The following MARK3 variants were observed in gnomAD, a reference collection of about 807,000 sequenced individuals.
The protein encoded by MARK3 is microtubule affinity regulating kinase 3, also known as MAP/microtubule affinity-regulating kinase 3.
A neutral mutation model predicts 90.1 loss-of-function variants in MARK3; 46 were observed. The observed-to-expected ratio is 0.51, with a 90% CI of 0.40 to 0.65. The LOEUF is 0.65. Ranked by LOEUF, MARK3 falls within the 30% of genes least tolerant of loss-of-function variation. MARK3 has a pLI of 0.00. For synonymous variants in MARK3, 321 were observed against 332.6 expected (o/e 0.97, Z 0.38); for missense variants, 818 against 947.2 (o/e 0.86, Z 1.79).
chr14:103,386,072 A>G lies in MARK3; in HGVS notation c.43A>G (p.Thr15Ala), dbSNP rs376529319. 38 of 1,614,096 alleles carry G rather than the reference A, an allele frequency of 2.4e-5. No individual in the cohort carries two copies. In the Admixed American group the frequency reaches 4.8e-4, roughly 21 times the overall value. Residue 15 changes from threonine to alanine, a missense_variant, in exon 1 of 18, where the codon ACT becomes GCT. Physicochemically the swap from Thr to Ala is moderately conservative, Grantham distance 58. Transcript: ENST00000429436. ...ATTGCCAACGGTGAATGAACGAGAC[A>G]CTGAAAACGTAAGTAACCTGGGCGT... Reference protein sequence around the residue: ...TPLPTVNERDTENHTSHGDGR... With the variant: ...TPLPTVNERDAENHTSHGDGR...
At chr14:103,489,175 G>A (rs1035772220) in intron 14 of MARK3, among the ~76,000 whole-genome samples, 5 of 152,224 alleles carry the variant, frequency 3.3e-5, no homozygotes, top group African/African-American at 1.2e-4. Context: ...ACGACATCTG[G>A]TTCATTTTTG....
intron 6 of MARK3, among the ~76,000 whole-genome samples, chr14:103,457,831 T>A (rs1015319638): frequency 6.6e-6 from 1 of 152,224 alleles, no homozygotes; most frequent in Non-Finnish European, 1.5e-5. Flanking sequence ...GTTATATCCA[T>A]TTGCTAAAAA....
At chr14:103,481,521 G>C (rs1331028885) in intron 14 of MARK3, among the ~76,000 whole-genome samples, 1 of 152,020 alleles carries the variant, frequency 6.6e-6, no homozygotes, top group Admixed American at 6.6e-5. Flanking sequence ...TCACTTCCCT[G>C]TTCCATAGGC....
chr14:103,417,543 A>G (rs924124476), intron 2 of MARK3: 22 of 152,244 alleles, frequency 1.4e-4, no homozygotes, highest in African/African-American at 5.1e-4. Flanking sequence ...TGAGGTGCCA[A>G]GGGTTAGTCT....
chr14:103,421,092 C>T (rs2092199893), intron 2 of MARK3, among the ~76,000 whole-genome samples: 1 of 152,054 alleles, frequency 6.6e-6, no homozygotes, highest in South Asian at 2.1e-4. Flanking sequence ...TTTTTCCTTG[C>T]ACTGCACATG....
intron 3 of MARK3, among the ~76,000 whole-genome samples, chr14:103,439,409 G>GTGTT (rs542056890): frequency 1.9e-4 from 29 of 151,976 alleles, no homozygotes; most frequent in South Asian, 1.7e-3. Context: ...TGTTTCTTTT[G>GTGTT]TGTTTGTTTG....
intron 3 of MARK3, chr14:103,441,704 A>G (rs2092860961): frequency 6.6e-6 from 1 of 152,144 alleles, no homozygotes; most frequent in African/African-American, 2.4e-5. Flanking sequence ...GTTACGAGGT[A>G]GGGATCCAGT....
chr14:103,434,106 C>T (rs1054631174), intron 3 of MARK3, among the ~76,000 whole-genome samples: 16 of 152,144 alleles, frequency 1.1e-4, no homozygotes, highest in African/African-American at 3.6e-4. Context: ...CATGGAGACA[C>T]TTAACACTCT....
chr14:103,394,180 T>C (rs2140491243), intron 1 of MARK3, among the ~76,000 whole-genome samples: 1 of 152,336 alleles, frequency 6.6e-6, no homozygotes, highest in South Asian at 2.1e-4. Flanking sequence ...TGCAGTACCC[T>C]CTGATCACCA....
chr14:103,412,905 G>A lies in MARK3; in HGVS notation c.243+7638G>A, dbSNP rs141338222. The A allele has an allele frequency of 1.3e-3, 418 of 319,952 alleles. 7 individuals are homozygous for A. The East Asian group carries it at 0.028, about 21-fold the overall frequency. The allele number at this position is 319,952 out of a possible 1,614,324, so 19.8% of individuals were successfully genotyped here. On this transcript the variant is annotated intron_variant, in intron 2 of 17. Coordinates refer to ENST00000429436, the MANE Select transcript of MARK3 (RefSeq NM_001128918.3). ...TTTTTTTTTTTTGAGACGGAATTTC[G>A]CTCTTGTTGCCCAGGCTAGAGTGCA...
chr14:103,459,465 G>A (rs529522407), intron 6 of MARK3, among the ~76,000 whole-genome samples: 3 of 152,082 alleles, frequency 2.0e-5, no homozygotes, highest in African/African-American at 7.2e-5. Flanking sequence ...CATCATATTG[G>A]TGTTTCCACT....
At chr14:103,488,024 G>A (rs1313951353) in intron 14 of MARK3, among the ~76,000 whole-genome samples, 5 of 148,518 alleles carry the variant, frequency 3.4e-5, no homozygotes, top group African/African-American at 7.4e-5. Flanking sequence ...CAGCCTGGGC[G>A]ACAGAGTGAG....
intron 4 of MARK3, among the ~76,000 whole-genome samples, 180 bp downstream of exon 4, chr14:103,449,147 A>C (rs1258235554): frequency 6.6e-6 from 1 of 151,994 alleles, no homozygotes; most frequent in Non-Finnish European, 1.5e-5. Flanking sequence ...CTTAGGTATT[A>C]AACGTTGAAT....
At chr14:103,418,864 C>G (rs181890731) in intron 2 of MARK3, among the ~76,000 whole-genome samples, 5 of 152,052 alleles carry the variant, frequency 3.3e-5, no homozygotes, top group African/African-American at 1.2e-4. Flanking sequence ...TTTTTTCCGC[C>G]CTCGGAATTT....
chr14:103,402,971 G>A (rs1355899190), intron 1 of MARK3, among the ~76,000 whole-genome samples: 1 of 151,902 alleles, frequency 6.6e-6, no homozygotes, highest in African/African-American at 2.4e-5. Flanking sequence ...ACAATAGGCA[G>A]TTTCAGCAGC....
chr14:103,493,680 G>A (rs2075140994), intron 15 of MARK3, among the ~76,000 whole-genome samples: 1 of 151,740 alleles, frequency 6.6e-6, no homozygotes, highest in South Asian at 2.1e-4. Context: ...TTTGAGACCA[G>A]CCTGACCAAT....
At chr14:103,393,623 C>T (rs1038112651) in intron 1 of MARK3, among the ~76,000 whole-genome samples, 1 of 152,226 alleles carries the variant, frequency 6.6e-6, no homozygotes, top group Non-Finnish European at 1.5e-5. Flanking sequence ...AGTTATGTAG[C>T]TCATGATATA....
At chr14:103,408,352 G>A (rs550076610) in intron 2 of MARK3, among the ~76,000 whole-genome samples, 14 of 151,800 alleles carry the variant, frequency 9.2e-5, no homozygotes, top group African/African-American at 2.2e-4. Context: ...CGCACCCAGC[G>A]AATTTTTTGT....
At chr14:103,495,109 T>A (rs1393716746) in intron 15 of MARK3, among the ~76,000 whole-genome samples, 1 of 152,216 alleles carries the variant, frequency 6.6e-6, no homozygotes, top group Non-Finnish European at 1.5e-5. Context: ...TAATTTAATC[T>A]CCATAGTCCA....
Sources: gnomAD v4.1 joint callset for allele counts (sites outside exome capture counted in the v4.1 genomes callset) on GRCh38, gnomAD v4.1.1 for gene constraint, MANE v1.5 for transcripts, NCBI Gene and HGNC (gene_info 2026-07-23, HGNC 2026-07-21) for gene names.